Variants in DNAH8 observed in about 807,000 individuals in gnomAD.
The protein encoded by DNAH8 is dynein axonemal heavy chain 8.
Under a neutral mutation model 562.1 loss-of-function variants are expected in DNAH8, and 382 were observed. That is an observed-to-expected ratio of 0.68 (90% confidence interval 0.63 to 0.74). The LOEUF is 0.74. Among genes scored for constraint, DNAH8 ranks in the 30% least tolerant of loss-of-function variants. The pLI is 0.00. For missense variants in DNAH8, 5,203 were observed against 5,620.4 expected (o/e 0.93, Z 2.37); for synonymous variants, 1,881 against 1,919.4 (o/e 0.98, Z 0.52).
At chr6:38,941,618 T>C (rs1052381026) in intron 79 of DNAH8, among the ~76,000 whole-genome samples, 3 of 152,194 alleles carry the variant, frequency 2.0e-5, no homozygotes, top group African/African-American at 7.2e-5. Flanking sequence ...TCAAGATGTA[T>C]GAGGTTTTGG....
chr6:38,817,968 A>G (rs1046575657), intron 26 of DNAH8, among the ~76,000 whole-genome samples: 4 of 152,170 alleles, frequency 2.6e-5, no homozygotes, highest in African/African-American at 9.6e-5. Context: ...ATTTTAATAA[A>G]CAGTTCTTTT....
chr6:38,741,966 T>A, intron 8 of DNAH8, 79 bp downstream of exon 8: 1 of 1,192,204 alleles, frequency 8.4e-7, no homozygotes, highest in Non-Finnish European at 1.2e-6. Flanking sequence ...TACTTCTTAG[T>A]ATAATATACT....
chr6:38,855,468 C>T (rs934698072), intron 41 of DNAH8, among the ~76,000 whole-genome samples: 7 of 152,052 alleles, frequency 4.6e-5, no homozygotes, highest in Admixed American at 2.6e-4. Flanking sequence ...CCTTCCAATA[C>T]GTTATTTATG....
chr6:38,935,018 GA>G (rs1561883874), intron 76 of DNAH8, among the ~76,000 whole-genome samples: 1 of 152,010 alleles, frequency 6.6e-6, no homozygotes, highest in African/African-American at 2.4e-5. Context: ...TATGTAAGAA[GA>G]AAAAAACTCC....
At chr6:38,912,919 C>T (rs550919880) in intron 66 of DNAH8, among the ~76,000 whole-genome samples, 38 of 152,152 alleles carry the variant, frequency 2.5e-4, no homozygotes, top group African/African-American at 8.4e-4. Context: ...AAGGAATTCT[C>T]CTGCCTCAGC....
chr6:38,754,333 G>T (rs1765728267), intron 9 of DNAH8, among the ~76,000 whole-genome samples: 1 of 152,106 alleles, frequency 6.6e-6, no homozygotes, highest in South Asian at 2.1e-4. Flanking sequence ...CTTAGGAAGG[G>T]TGGAAGGGAC....
intron 88 of DNAH8, among the ~76,000 whole-genome samples, chr6:38,999,829 CATATT>C (rs1293151152): frequency 6.6e-6 from 1 of 151,130 alleles, no homozygotes; most frequent in South Asian, 2.1e-4. Flanking sequence ...ATTGTATTGT[CATATT>C]ATATAATAGA....
At chr6:38,888,174 T>C (rs1779092615) in intron 57 of DNAH8, among the ~76,000 whole-genome samples, 1 of 152,188 alleles carries the variant, frequency 6.6e-6, no homozygotes, top group South Asian at 2.1e-4. Context: ...AGTTCTGGGA[T>C]ACTTAGTAAT....
intron 50 of DNAH8, 55 bp downstream of exon 50, chr6:38,872,837 T>C (rs1337484207): frequency 1.2e-6 from 2 of 1,607,292 alleles, no homozygotes; most frequent in Non-Finnish European, 1.7e-6. Context: ...ATTAACACAG[T>C]ATTTTTTTGA....
chr6:38,879,383 A>G (rs1778282312), intron 53 of DNAH8, among the ~76,000 whole-genome samples: 1 of 152,238 alleles, frequency 6.6e-6, no homozygotes, highest in African/African-American at 2.4e-5. Flanking sequence ...ATCCAATAGT[A>G]TACAAAAGTC....
chr6:38,885,184 C>T (rs749973404), intron 56 of DNAH8, among the ~76,000 whole-genome samples: 4 of 152,182 alleles, frequency 2.6e-5, no homozygotes, highest in Admixed American at 6.5e-5. Flanking sequence ...TCCTGAATTC[C>T]GAACTCACGT....
In DNAH8 at chr6:38,729,888, CTTTTA is replaced by C; in HGVS notation, c.526-10_526-6del. 7.0e-7 allele frequency: 1 copy of C among 1,423,580 alleles called. No individual in the cohort carries two copies. Among genetic ancestry groups the C allele is most frequent in the Non-Finnish European group, 9.8e-7 (1 of 1,024,192 alleles). The allele number at this position is 1,423,580 out of a possible 1,614,324, so 88.2% of individuals were successfully genotyped here. ...CTTAGTCGTTTGATTATCATTTTCT[CTTTTA>C]TTTAACAGCTGGAAGCATTTACTAA... On this transcript the variant is annotated splice_polypyrimidine_tract_variant and intron_variant, in intron 3 of 92. Coordinates refer to ENST00000327475, the MANE Select transcript of DNAH8 (RefSeq NM_001206927.2).
intron 10 of DNAH8, among the ~76,000 whole-genome samples, chr6:38,758,448 T>C (rs1413446974): frequency 6.6e-6 from 1 of 152,032 alleles, no homozygotes. Flanking sequence ...TGGGGTTTTC[T>C]AGATATACAA....
intron 1 of DNAH8, among the ~76,000 whole-genome samples, chr6:38,717,002 G>A (rs1762390547): frequency 1.3e-5 from 2 of 152,170 alleles, no homozygotes; most frequent in African/African-American, 4.8e-5. Flanking sequence ...ATTGCATCCA[G>A]CCTGGGCAGC....
intron 88 of DNAH8, among the ~76,000 whole-genome samples, chr6:38,992,228 A>C (rs953755102): frequency 6.6e-6 from 1 of 152,160 alleles, no homozygotes; most frequent in Non-Finnish European, 1.5e-5. Flanking sequence ...TCGGCCTCCC[A>C]AAGTGTTGGG....
At chr6:38,849,692 G>A (rs1775588000) in intron 37 of DNAH8, among the ~76,000 whole-genome samples, 1 of 151,694 alleles carries the variant, frequency 6.6e-6, no homozygotes, top group South Asian at 2.1e-4. Flanking sequence ...AAAGAGGAAA[G>A]ATTATGCCAA....
chr6:38,862,356 A>T lies in DNAH8; in HGVS notation c.6208A>T (p.Thr2070Ser). 1 of 1,614,194 alleles carries T rather than the reference A, an allele frequency of 6.2e-7. No homozygotes were observed. The highest frequency in any genetic ancestry group is 8.5e-7 in the Non-Finnish European group (1 of 1,180,020). ...CGCAGGACCTGCTGGCACTGGCAAA[A>T]CAGAAACCACAAAAGACATGGGAAG... The part of the protein sequence containing the change: ...APAGPAGTGK[T>S]ETTKDMGRCL... Residue 2070 changes from threonine to serine, a missense_variant, in exon 44 of 93, where the codon ACA (threonine) becomes TCA (serine). Thr to Ser is a moderately conservative substitution (Grantham distance 58). Around this residue, in one of 6 missense-constraint regions of DNAH8, gnomAD observed 2,176 missense variants for 2,365.1 expected, o/e 0.92. Transcript: ENST00000327475.
chr6:39,012,390 G>A (rs1483596547), intron 90 of DNAH8, 23 bp downstream of exon 90: 4 of 1,608,318 alleles, frequency 2.5e-6, no homozygotes, highest in Non-Finnish European at 3.4e-6. Context: ...TACATCAGTA[G>A]GCATTTCCTT....
intron 62 of DNAH8, among the ~76,000 whole-genome samples, chr6:38,903,953 C>T (rs1561841541): frequency 6.6e-6 from 1 of 151,986 alleles, no homozygotes; most frequent in Non-Finnish European, 1.5e-5. Context: ...AAAATGTAAC[C>T]CCATTGTTAA....
Sources: allele counts gnomAD v4.1 joint callset (sites outside exome capture counted in the v4.1 genomes callset), GRCh38; gene constraint gnomAD v4.1.1; regional missense constraint gnomAD v4.1.1; transcripts MANE v1.5; gene names NCBI Gene and HGNC (gene_info 2026-07-23, HGNC 2026-07-21).